Variants in LARGE1 observed in about 807,000 individuals in gnomAD.
LARGE1 encodes the protein LARGE xylosyl- and glucuronyltransferase 1.
Under a neutral mutation model 87.6 loss-of-function variants are expected in LARGE1, and 43 were observed. The ratio of observed to expected loss-of-function variants is 0.49; its 90% confidence interval spans 0.38 to 0.63. LARGE1 has a LOEUF of 0.63. Among genes scored for constraint, LARGE1 ranks in the 30% least tolerant of loss-of-function variants. LARGE1 has a pLI of 0.00. For synonymous variants in LARGE1, 434 were observed against 394.6 expected (o/e 1.10, Z -1.18); for missense variants, 802 against 1,000.2 (o/e 0.80, Z 2.67).
intron 6 of LARGE1, among the ~76,000 whole-genome samples, chr22:33,455,083 G>A (rs1470221084): frequency 6.6e-6 from 1 of 152,234 alleles, no homozygotes; most frequent in Non-Finnish European, 1.5e-5. Flanking sequence ...TTGACAGAAG[G>A]TCTGTCAGTG....
intron 10 of LARGE1, among the ~76,000 whole-genome samples, chr22:33,335,878 T>A (rs1445782361): frequency 1.3e-5 from 2 of 152,244 alleles, no homozygotes; most frequent in Non-Finnish European, 2.9e-5. Flanking sequence ...TATATTGCTA[T>A]GTAGCAGTTG....
At chr22:33,201,411 A>AGAAG (rs373979045) in intron 11 of LARGE1, among the ~76,000 whole-genome samples, 1,556 of 142,080 alleles carry the variant, frequency 0.011, 17 homozygotes, top group Non-Finnish European at 0.016. Context: ...AGGAAGAAAA[A>AGAAG]GAAGGAAGGA....
At chr22:33,206,050 G>A (rs1417546973) in intron 11 of LARGE1, among the ~76,000 whole-genome samples, 1 of 147,374 alleles carries the variant, frequency 6.8e-6, no homozygotes, top group Non-Finnish European at 1.5e-5. Context: ...CGCCTCCCCG[G>A]TTCACGCCAT....
At chr22:33,853,547 A>G (rs1235676974) in intron 1 of LARGE1, among the ~76,000 whole-genome samples, 1 of 152,244 alleles carries the variant, frequency 6.6e-6, no homozygotes, top group Non-Finnish European at 1.5e-5. Flanking sequence ...TCATAGCTCT[A>G]TTATGCAAAA....
At chr22:33,222,182 A>G (rs570511843) in intron 11 of LARGE1, among the ~76,000 whole-genome samples, 6 of 152,346 alleles carry the variant, frequency 3.9e-5, no homozygotes, top group Admixed American at 3.3e-4. Flanking sequence ...TACATCTAAG[A>G]AAAAAGAAAA....
At chr22:33,301,272 G>A (rs1470254248) in intron 12 of LARGE1, among the ~76,000 whole-genome samples, 1 of 152,128 alleles carries the variant, frequency 6.6e-6, no homozygotes, top group South Asian at 2.1e-4. Flanking sequence ...TGGGGCTTCC[G>A]AGAGAATGAC....
At chr22:33,838,914 T>A (rs1049245154) in intron 1 of LARGE1, among the ~76,000 whole-genome samples, 1 of 152,146 alleles carries the variant, frequency 6.6e-6, no homozygotes, top group South Asian at 2.1e-4. Flanking sequence ...ACTACTCCCA[T>A]AATAGAAAAA....
At chr22:33,210,527 TGAACTC>T (rs1924908064) in intron 11 of LARGE1, among the ~76,000 whole-genome samples, 1 of 152,224 alleles carries the variant, frequency 6.6e-6, no homozygotes, top group African/African-American at 2.4e-5. Context: ...AGGTCCTCCT[TGAACTC>T]AGTCTTAGCC....
intron 5 of LARGE1, among the ~76,000 whole-genome samples, chr22:33,591,309 T>G (rs1352178767): frequency 1.3e-5 from 2 of 152,236 alleles, no homozygotes; most frequent in Non-Finnish European, 2.9e-5. Context: ...TCACTGACAC[T>G]TTGTATTGTG....
Position 33,283,240 on chromosome 22 carries a change from C to T in LARGE1, c.1839G>A (p.Leu613=). 2 of 1,614,192 alleles carry T rather than the reference C, an allele frequency of 1.2e-6. No homozygotes were observed. Among genetic ancestry groups the T allele is most frequent in the Non-Finnish European group, 1.7e-6 (2 of 1,180,036 alleles). ...RLSFPKSKAE[L]LSMLDMGTLF... is the part of the protein sequence containing the mutation. ...GGGTCCCCATGTCCAGCATTGACAG[C>T]AACTCCGCTTTTGACTTGGGGAAGG... The change falls in exon 13 of 15, where the codon TTG becomes TTA. Residue 613 remains leucine, a synonymous_variant. Coordinates refer to ENST00000397394, the MANE Select transcript of LARGE1 (RefSeq NM_133642.5).
At chr22:33,155,513 A>C in the LARGE1 span, among the ~76,000 whole-genome samples, 4 of 152,262 alleles carry the variant, frequency 2.6e-5, no homozygotes, top group African/African-American at 7.2e-5. Flanking sequence ...TGAACTTGAG[A>C]GAGATGATCT....
chr22:33,201,296 G>A (rs956161633), intron 11 of LARGE1, among the ~76,000 whole-genome samples: 6 of 151,298 alleles, frequency 4.0e-5, no homozygotes, highest in East Asian at 3.9e-4. Flanking sequence ...CAACAAGAGC[G>A]AAACTCCATC....
chr22:33,875,828 G>T (rs2064447003), intron 1 of LARGE1, among the ~76,000 whole-genome samples: 1 of 152,104 alleles, frequency 6.6e-6, no homozygotes, highest in Admixed American at 6.5e-5. Flanking sequence ...ACCTCCGGCA[G>T]CCCCACCTGA....
intron 1 of LARGE1, among the ~76,000 whole-genome samples, chr22:33,887,495 C>T (rs1275698721): frequency 2.6e-5 from 4 of 152,112 alleles, no homozygotes; most frequent in Admixed American, 2.0e-4. Flanking sequence ...CTAGCACTTT[C>T]GGAGACCGAG....
At chr22:33,735,225 A>G (rs1416865067) in intron 2 of LARGE1, among the ~76,000 whole-genome samples, 1 of 152,118 alleles carries the variant, frequency 6.6e-6, no homozygotes, top group East Asian at 1.9e-4. Flanking sequence ...CATGTATTTG[A>G]TATTTGCCTT....
At chr22:33,713,963 G>A (rs1308582080) in intron 2 of LARGE1, among the ~76,000 whole-genome samples, 1 of 137,418 alleles carries the variant, frequency 7.3e-6, no homozygotes, top group Non-Finnish European at 1.6e-5. Context: ...CAAAGAAAAA[G>A]TAAATAACGT....
chr22:33,675,441 G>A (rs1014802292), intron 2 of LARGE1, among the ~76,000 whole-genome samples: 1 of 152,024 alleles, frequency 6.6e-6, no homozygotes, highest in Non-Finnish European at 1.5e-5. Context: ...GGGAAGTAGG[G>A]CATAGACTGT....
At chr22:33,363,319 C>T (rs891438883) in intron 9 of LARGE1, among the ~76,000 whole-genome samples, 6 of 149,994 alleles carry the variant, frequency 4.0e-5, no homozygotes, top group African/African-American at 1.5e-4. Context: ...TAATGGAGAA[C>T]TCACAGTTCC....
At chr22:33,317,722 T>C (rs547234337) in intron 10 of LARGE1, among the ~76,000 whole-genome samples, 44 of 152,280 alleles carry the variant, frequency 2.9e-4, no homozygotes, top group Non-Finnish European at 3.1e-4. Context: ...AGGTATGATG[T>C]ATGTTTTACA....
Sources: gnomAD v4.1 joint callset for allele counts (sites outside exome capture counted in the v4.1 genomes callset) on GRCh38, gnomAD v4.1.1 for gene constraint, MANE v1.5 for transcripts, NCBI Gene and HGNC (gene_info 2026-07-23, HGNC 2026-07-21) for gene names.